The following ATP10B variants were observed in gnomAD, a reference collection of about 807,000 sequenced individuals.
ATP10B encodes ATPase phospholipid transporting 10B (putative).
A neutral mutation model predicts 141.2 loss-of-function variants in ATP10B; 122 were observed. The ratio of observed to expected loss-of-function variants is 0.86; its 90% CI spans 0.75 to 1.00. The LOEUF (loss-of-function observed/expected upper bound fraction) is 1.00. Ranked by LOEUF, ATP10B falls within the 50% of genes least tolerant of loss-of-function variation. ATP10B has a pLI of 0.00. For missense variants in ATP10B, 1,876 were observed against 1,825.3 expected, an observed-to-expected ratio of 1.03 and a Z score of -0.51; for synonymous variants, 685 against 692.0, an observed-to-expected ratio of 0.99 and a Z score of 0.16.
chr5:160,901,600 C>T, the ATP10B span, among the ~76,000 whole-genome samples: 1 of 152,208 alleles, frequency 6.6e-6, no homozygotes, highest in East Asian at 1.9e-4. Flanking sequence ...AGGGAATACA[C>T]AAAGCGATGC....
At chr5:160,819,734 T>A (rs924346358) in intron 1 of ATP10B, among the ~76,000 whole-genome samples, 1 of 152,170 alleles carries the variant, frequency 6.6e-6, no homozygotes, top group Non-Finnish European at 1.5e-5. Flanking sequence ...TGTTTGTTTA[T>A]GCAAACAATG....
chr5:160,850,935 C>T (rs1022363964), intron 1 of ATP10B, among the ~76,000 whole-genome samples: 1 of 152,206 alleles, frequency 6.6e-6, no homozygotes, highest in Non-Finnish European at 1.5e-5. Context: ...ATAGTAACAT[C>T]TAGACAGAAA....
intron 24 of ATP10B, among the ~76,000 whole-genome samples, chr5:160,588,760 G>T (rs532116549): frequency 6.6e-6 from 1 of 152,180 alleles, no homozygotes; most frequent in African/African-American, 2.4e-5. Context: ...CATGTAGAGA[G>T]ACACTTGGTA....
chr5:160,778,286 C>T (rs1429360272), intron 2 of ATP10B, among the ~76,000 whole-genome samples: 1 of 152,184 alleles, frequency 6.6e-6, no homozygotes, highest in Non-Finnish European at 1.5e-5. Flanking sequence ...GAGGTGGCAG[C>T]ATTTAAAAGC....
chr5:160,595,673 G>T (rs185048187), intron 22 of ATP10B, among the ~76,000 whole-genome samples: 3,398 of 151,908 alleles, frequency 0.022, 56 homozygotes, highest in Non-Finnish European at 0.032. Context: ...AAAGAGAGAA[G>T]AATCAAATAG....
chr5:160,835,529 C>T (rs925340261), intron 1 of ATP10B, among the ~76,000 whole-genome samples: 4 of 152,120 alleles, frequency 2.6e-5, no homozygotes, highest in Non-Finnish European at 5.9e-5. Flanking sequence ...TGGATCTTGA[C>T]CCACTGGCTT....
In ATP10B at chr5:160,767,662, TCTGA is replaced by T. The variant is rs1271977790; in HGVS notation, c.-331+17893_-331+17896del. On this transcript the variant is annotated intron_variant, in intron 2 of 25. Transcript: ENST00000327245. ...CCCCCCCCCCAAAATAACAGGTTAC[TCTGA>T]CTGGTTCTGGTCCTCAAATTATTTG... Among the ~76,000 whole-genome samples, 4 of 122,796 alleles carry T rather than the reference TCTGA, an allele frequency of 3.3e-5. No individual in the cohort carries two copies. The East Asian group carries it at 1.2e-3, about 35-fold the overall frequency. 80.6% of individuals were successfully genotyped at this position (122,796 alleles called of 152,430 possible). A position where few individuals can be genotyped will look rare whatever the true frequency, so the allele number is the denominator to read the frequency against.
chr5:160,656,044 C>T (rs1761471854), intron 7 of ATP10B, among the ~76,000 whole-genome samples: 1 of 152,172 alleles, frequency 6.6e-6, no homozygotes, highest in African/African-American at 2.4e-5. Context: ...GGAATATATT[C>T]CATTAGCTAG....
chr5:160,579,761 G>A (rs1755426212), intron 24 of ATP10B, among the ~76,000 whole-genome samples: 1 of 152,146 alleles, frequency 6.6e-6, no homozygotes. Flanking sequence ...TGGGCAGTAT[G>A]GCCATTTTCA....
the ATP10B span, among the ~76,000 whole-genome samples, chr5:160,878,750 C>G: frequency 3.2e-4 from 49 of 152,152 alleles, no homozygotes; most frequent in Admixed American, 7.2e-4. Flanking sequence ...CTTCTCAAAA[C>G]AAGACATTTA....
intron 18 of ATP10B, 100 bp downstream of exon 18, chr5:160,612,641 C>A: frequency 9.2e-7 from 1 of 1,082,248 alleles, no homozygotes; most frequent in Non-Finnish European, 1.3e-6. Flanking sequence ...GGGTGCTTCC[C>A]TGGTGTACCC....
chr5:160,865,577 A>G, the ATP10B span, among the ~76,000 whole-genome samples: 22 of 152,152 alleles, frequency 1.4e-4, no homozygotes, highest in African/African-American at 5.3e-4. Context: ...AATAAATGGG[A>G]CCTAATTAAA....
chr5:160,704,249 A>C (rs1371451427), intron 3 of ATP10B, among the ~76,000 whole-genome samples: 1 of 152,136 alleles, frequency 6.6e-6, no homozygotes, highest in Non-Finnish European at 1.5e-5. Flanking sequence ...TCGTAGAGAC[A>C]GTTGCCTATG....
chr5:160,725,286 C>T (rs1158755802), intron 2 of ATP10B, among the ~76,000 whole-genome samples: 1 of 152,130 alleles, frequency 6.6e-6, no homozygotes, highest in African/African-American at 2.4e-5. Context: ...GTTGAGTTCA[C>T]TCAAGTTCTG....
intron 2 of ATP10B, among the ~76,000 whole-genome samples, chr5:160,781,766 G>A (rs1489508512): frequency 6.6e-6 from 1 of 152,022 alleles, no homozygotes; most frequent in Non-Finnish European, 1.5e-5. Flanking sequence ...TAATTGCACA[G>A]CAACCTATCT....
intron 3 of ATP10B, among the ~76,000 whole-genome samples, chr5:160,701,448 G>A (rs967726318): frequency 1.3e-5 from 2 of 152,138 alleles, no homozygotes; most frequent in Non-Finnish European, 2.9e-5. Flanking sequence ...GCTAATTTAT[G>A]ATTGAGGGGC....
intron 1 of ATP10B, among the ~76,000 whole-genome samples, chr5:160,790,280 T>C (rs1041124392): frequency 3.9e-5 from 6 of 152,190 alleles, no homozygotes; most frequent in African/African-American, 1.4e-4. Context: ...GAAAAAAGTT[T>C]GTAAAGAAGT....
At chr5:160,664,993 C>T (rs1420200403) in intron 7 of ATP10B, among the ~76,000 whole-genome samples, 3 of 152,160 alleles carry the variant, frequency 2.0e-5, no homozygotes, top group African/African-American at 7.2e-5. Context: ...TTTGAATTCT[C>T]TAATAAAGTC....
At position 160,684,304 on chromosome 5, in the gene ATP10B, C is replaced by A. The variant is rs139660463; in HGVS notation, c.470+1775G>T. 7.9e-5 allele frequency among the ~76,000 whole-genome samples: 12 copies of A among 152,316 alleles called. 1 individual carries two copies. The highest frequency in any genetic ancestry group is 1.3e-4 in the Non-Finnish European group (9 of 68,024). ...GCTAAGTATTTTCTAAGAATTATCT[C>A]CTGCAACTCTCACAACCACCTCAGG... On this transcript the variant is annotated intron_variant, in intron 6 of 25. Transcript: ENST00000327245.
Sources: allele counts gnomAD v4.1 joint callset (sites outside exome capture counted in the v4.1 genomes callset), GRCh38; gene constraint gnomAD v4.1.1; transcripts MANE v1.5; gene names NCBI Gene and HGNC (gene_info 2026-07-23, HGNC 2026-07-21).